Variants in CLDN10 observed in about 807,000 individuals in gnomAD.
The protein encoded by CLDN10 is claudin 10.
Under a neutral mutation model 22.9 loss-of-function variants are expected in CLDN10, and 15 were observed. The ratio of observed to expected loss-of-function variants is 0.65; its 90% confidence interval spans 0.44 to 1.01. The LOEUF is 1.01. CLDN10 is among the 50% of genes least tolerant of loss of function. CLDN10 has a pLI of 0.00. For synonymous variants in CLDN10, 114 were observed against 111.4 expected (o/e 1.02, Z -0.15); for missense variants, 247 against 287.8 (o/e 0.86, Z 1.03).
intron 3 of CLDN10, among the ~76,000 whole-genome samples, chr13:95,574,645 C>G (rs2043901626): frequency 1.3e-5 from 2 of 152,066 alleles, no homozygotes. Context: ...TGGCACACAC[C>G]TGTAATCCCA....
chr13:95,441,906 C>T (rs1385206930), intron 1 of CLDN10, among the ~76,000 whole-genome samples: 1 of 152,200 alleles, frequency 6.6e-6, no homozygotes, highest in Non-Finnish European at 1.5e-5. Flanking sequence ...AATCCTAGCA[C>T]TTTGGGAGAC....
At chr13:95,442,380 G>T (rs1033141080) in intron 1 of CLDN10, among the ~76,000 whole-genome samples, 1 of 152,176 alleles carries the variant, frequency 6.6e-6, no homozygotes, top group African/African-American at 2.4e-5. Context: ...GCATGCCTTT[G>T]CTCCTTTGCT....
intron 1 of CLDN10, among the ~76,000 whole-genome samples, chr13:95,450,277 A>G (rs2042421289): frequency 6.6e-6 from 1 of 152,202 alleles, no homozygotes; most frequent in South Asian, 2.1e-4. Context: ...TCCAACTCAC[A>G]ATTCTGGCTT....
chr13:95,553,105 A>T (rs1886855), intron 1 of CLDN10, 132 bp downstream of exon 1: 17 of 1,273,522 alleles, frequency 1.3e-5, no homozygotes, highest in Non-Finnish European at 1.8e-5. Context: ...CGTCTCTCCC[A>T]ACAGGGCCTT....
chr13:95,461,165 C>T (rs35899946), intron 1 of CLDN10, among the ~76,000 whole-genome samples: 45,584 of 151,922 alleles, frequency 0.3, 8,422 homozygotes, highest in Non-Finnish European at 0.41. Flanking sequence ...TTGCCCAGGC[C>T]GGTCTCAAAC....
chr13:95,472,666 T>G (rs986422464), intron 1 of CLDN10, among the ~76,000 whole-genome samples: 6 of 103,748 alleles, frequency 5.8e-5, no homozygotes, highest in African/African-American at 1.5e-4. Context: ...CGAGACTCCG[T>G]CTCAAAAAAA....
rs190354860 is a variant in CLDN10 at position 95,530,375 on chromosome 13, G to C, written c.215-29757G>C. ...GGCATGAGACGAAGACTCATGGCAGGTTGTAAGCGGTTGGGCAACCCCTAC... is the reference window on the plus strand; with the variant it reads ...GGCATGAGACGAAGACTCATGGCAGCTTGTAAGCGGTTGGGCAACCCCTAC... On this transcript the variant is annotated intron_variant, in intron 1 of 4. Coordinates refer to the CLDN10 transcript ENST00000376873. 3.9e-5 allele frequency among the ~76,000 whole-genome samples: 6 copies of C among 152,294 alleles called. No individual in the cohort carries two copies. The East Asian group carries it at 1.2e-3, about 29-fold the overall frequency.
upstream of CLDN10, among the ~76,000 whole-genome samples, chr13:95,550,041 G>A (rs1041696704): frequency 3.3e-5 from 5 of 152,148 alleles, no homozygotes; most frequent in African/African-American, 9.7e-5. Flanking sequence ...CAGAGCTGTG[G>A]TTCTCAGCCT....
chr13:95,513,600 TA>T (rs2043129265), intron 1 of CLDN10, among the ~76,000 whole-genome samples: 2 of 141,962 alleles, frequency 1.4e-5, no homozygotes, highest in African/African-American at 2.5e-5. Flanking sequence ...AATAAAAAAT[TA>T]TTTTTTTAAA....
intron 3 of CLDN10, among the ~76,000 whole-genome samples, chr13:95,568,539 C>T (rs756946938): frequency 1.3e-5 from 2 of 152,132 alleles, no homozygotes; most frequent in African/African-American, 2.4e-5. Flanking sequence ...CTCTGATCAG[C>T]CTTCAGAACC....
At chr13:95,533,044 T>G (rs1006332820) in intron 1 of CLDN10, among the ~76,000 whole-genome samples, 3 of 151,928 alleles carry the variant, frequency 2.0e-5, no homozygotes, top group Non-Finnish European at 4.4e-5. Flanking sequence ...TTTACACAGA[T>G]GTATGCATTT....
Position 95,560,459 on chromosome 13 carries a change from C to A in CLDN10, c.460C>A (p.Gln154Lys), listed in dbSNP as rs1566338115. The stretch of plus-strand genomic sequence containing the variant: ...ATTCTTTGATCCTCTCTTTGTTGAG[C>A]AAAAGTAAGTACTCTTCTCAGTCTG... ...TEFFDPLFVEQKYELGAALFI... is the reference protein window; with the variant it reads ...TEFFDPLFVEKKYELGAALFI... Residue 154 changes from glutamine to lysine, a missense_variant, in exon 3 of 5, where the codon CAA (glutamine) becomes AAA (lysine). Coordinates refer to ENST00000299339, the MANE Select transcript of CLDN10 (RefSeq NM_006984.5). 1 of 1,610,068 alleles carries A rather than the reference C, an allele frequency of 6.2e-7. No individual in the cohort carries two copies. Among genetic ancestry groups the A allele is most frequent in the Non-Finnish European group, 8.5e-7 (1 of 1,176,402 alleles).
chr13:95,533,231 T>C (rs546779256), intron 1 of CLDN10, among the ~76,000 whole-genome samples: 2 of 143,190 alleles, frequency 1.4e-5, no homozygotes, highest in Non-Finnish European at 3.1e-5. Flanking sequence ...AAAAAAAAGA[T>C]TGATAGAGGG....
chr13:95,539,761 G>A (rs2043439840), intron 1 of CLDN10, among the ~76,000 whole-genome samples: 1 of 152,096 alleles, frequency 6.6e-6, no homozygotes, highest in African/African-American at 2.4e-5. Context: ...ATTATTTTCA[G>A]CTCCCATAGT....
intron 1 of CLDN10, 102 bp from the exon 2 acceptor site, chr13:95,560,030 T>G: frequency 2.6e-6 from 3 of 1,137,002 alleles, no homozygotes; most frequent in Non-Finnish European, 3.8e-6. Context: ...ATCACAGTTA[T>G]CTTTTTGGAA....
intron 1 of CLDN10, among the ~76,000 whole-genome samples, chr13:95,436,714 C>T (rs2042276010): frequency 6.6e-6 from 1 of 152,128 alleles, no homozygotes; most frequent in Non-Finnish European, 1.5e-5. Context: ...GTCAGAAACA[C>T]TGATTCATAT....
chr13:95,552,663 C>G (rs1429498784), upstream of CLDN10: 39 of 1,406,102 alleles, frequency 2.8e-5, no homozygotes, highest in Non-Finnish European at 3.4e-5. Flanking sequence ...TGGGCGGAGG[C>G]GGAGGCGGGA....
At chr13:95,486,195 T>C (rs1268749549) in intron 1 of CLDN10, among the ~76,000 whole-genome samples, 3 of 152,268 alleles carry the variant, frequency 2.0e-5, no homozygotes, top group East Asian at 1.9e-4. Flanking sequence ...AAAGTTGCTT[T>C]GCCTAACTTG....
chr13:95,535,393 G>A (rs937658971), intron 1 of CLDN10, among the ~76,000 whole-genome samples: 3 of 151,798 alleles, frequency 2.0e-5, no homozygotes, highest in African/African-American at 7.3e-5. Context: ...CTGGAGAGGT[G>A]AGAATGACTC....
Sources: gnomAD v4.1 joint callset for allele counts (sites outside exome capture counted in the v4.1 genomes callset) on GRCh38, gnomAD v4.1.1 for gene constraint, MANE v1.5 for transcripts, NCBI Gene and HGNC (gene_info 2026-07-23, HGNC 2026-07-21) for gene names.